DCP2: variants seen among roughly 807,000 people sequenced by gnomAD.
The protein encoded by DCP2 is decapping mRNA 2.
A neutral mutation model predicts 56.1 loss-of-function variants in DCP2; 30 were observed. The ratio of observed to expected loss-of-function variants is 0.53; its 90% confidence interval spans 0.40 to 0.73. The LOEUF (loss-of-function observed/expected upper bound fraction) is 0.73. Ranked by LOEUF, DCP2 falls within the 30% of genes least tolerant of loss-of-function variation. The pLI is 0.00. For missense variants in DCP2, 533 were observed against 502.7 expected, an observed-to-expected ratio of 1.06 and a Z score of -0.58; for synonymous variants, 197 against 163.3, an observed-to-expected ratio of 1.21 and a Z score of -1.57.
chr5:112,992,185 G>T lies in DCP2; in HGVS notation c.270G>T (p.Trp90Cys). 6.2e-7 allele frequency: 1 copy of T among 1,614,026 alleles called. No individual in the cohort carries two copies. The highest frequency in any genetic ancestry group is 8.5e-7 in the Non-Finnish European group (1 of 1,179,982). The change falls in exon 3 of 11, where the codon TGG (tryptophan) becomes TGT (cysteine). Residue 90 changes from tryptophan (W) to cysteine (C), a missense_variant. By Grantham distance (215) the Trp-to-Cys change is radical. Coordinates refer to ENST00000389063, the MANE Select transcript of DCP2 (RefSeq NM_152624.6). The part of the protein sequence containing the change: ...GEDVEKVLDE[W>C]KEYKMGVPTY... ...ATGTGGAAAAAGTTTTGGATGAATG[G>T]AAGGAATATAAAATGGGAGTACCAA...
rs1439910072 is a variant in DCP2 at position 113,021,532 on chromosome 5, C to T, written c.*8048C>T. Among the ~76,000 whole-genome samples, 1 of 152,002 alleles carries T rather than the reference C, an allele frequency of 6.6e-6. No homozygotes were observed. Among genetic ancestry groups the T allele is most frequent in the African/African-American group, 2.4e-5 (1 of 41,374 alleles). Reference sequence around the variant, plus strand: ...GTGAATTCATTAGATATTTAAAATCCAGCAATTCTTAAGTTTGTGCTAGAA... The same window carrying T: ...GTGAATTCATTAGATATTTAAAATCTAGCAATTCTTAAGTTTGTGCTAGAA... On this transcript the variant is annotated 3_prime_UTR_variant, in exon 11 of 11. Coordinates refer to ENST00000389063, the MANE Select transcript of DCP2 (RefSeq NM_152624.6).
At chr5:112,997,662 T>G (rs1748927980) in intron 4 of DCP2, among the ~76,000 whole-genome samples, 1 of 151,314 alleles carries the variant, frequency 6.6e-6, no homozygotes, top group African/African-American at 2.4e-5. Context: ...CAGGCTGGAG[T>G]GCAGTGGTGC....
chr5:112,976,922 T>C lies in DCP2; in HGVS notation c.-12T>C. ...GAGCCGGGATGCACTGTTCCTGCTG[T>C]GGGTCCTCATCATGGAGACCAAACG... On this transcript the variant is annotated 5_prime_UTR_variant, in exon 1 of 11. Coordinates refer to ENST00000389063, the MANE Select transcript of DCP2 (RefSeq NM_152624.6). 1.9e-6 allele frequency: 3 copies of C among 1,613,154 alleles called. No individual in the cohort carries two copies. The highest frequency in any genetic ancestry group is 2.5e-6 in the Non-Finnish European group (3 of 1,179,236).
At chr5:113,002,539 T>C (rs1749227680) in intron 7 of DCP2, among the ~76,000 whole-genome samples, 1 of 152,140 alleles carries the variant, frequency 6.6e-6, no homozygotes, top group Non-Finnish European at 1.5e-5. Flanking sequence ...TTTTTGTTTT[T>C]GAGGCAGGGT....
chr5:113,015,476 C>T lies in DCP2; in HGVS notation c.*1992C>T, dbSNP rs532375465. The T allele has an allele frequency of 6.6e-6, 1 of 152,430 alleles. No homozygotes were observed. The highest frequency in any genetic ancestry group is 2.1e-4 in the South Asian group (1 of 4,824). The allele number at this position is 152,430 out of a possible 1,614,324, so 9.4% of individuals were successfully genotyped here. A position where few individuals can be genotyped will look rare whatever the true frequency, so the allele number is the denominator to read the frequency against. On this transcript the variant is annotated 3_prime_UTR_variant, in exon 11 of 11. Coordinates refer to ENST00000389063, the MANE Select transcript of DCP2 (RefSeq NM_152624.6). Reference sequence around the variant, plus strand: ...GAGATTATAGTTACCAGAAGTATGGCCTCTAATGGTGTTGAGCCTTTTCAA... The same window carrying T: ...GAGATTATAGTTACCAGAAGTATGGTCTCTAATGGTGTTGAGCCTTTTCAA...
intron 1 of DCP2, among the ~76,000 whole-genome samples, chr5:112,980,764 T>G (rs1747968408): frequency 6.6e-6 from 1 of 152,224 alleles, no homozygotes; most frequent in African/African-American, 2.4e-5. Flanking sequence ...TTAGTTTCTT[T>G]CCCTACCCTT....
chr5:112,996,032 G>T (rs932601796), intron 4 of DCP2, among the ~76,000 whole-genome samples: 2 of 152,168 alleles, frequency 1.3e-5, no homozygotes, highest in Non-Finnish European at 2.9e-5. Flanking sequence ...TGCCCTTATG[G>T]ATCTCATTTG....
At chr5:112,988,288 C>G (rs1203318391) in intron 2 of DCP2, among the ~76,000 whole-genome samples, 1 of 150,288 alleles carries the variant, frequency 6.7e-6, no homozygotes, top group Admixed American at 6.7e-5. Flanking sequence ...CGAGACCATC[C>G]TGGCCAACAC....
At chr5:113,001,815 A>G in intron 7 of DCP2, 141 bp downstream of exon 7, 4 of 777,068 alleles carry the variant, frequency 5.1e-6, no homozygotes, top group Non-Finnish European at 8.2e-6. Flanking sequence ...AGATAATAGA[A>G]GATTTTTTTA....
intron 4 of DCP2, among the ~76,000 whole-genome samples, chr5:112,993,939 C>T (rs1267036155): frequency 6.8e-6 from 1 of 148,134 alleles, no homozygotes; most frequent in Non-Finnish European, 1.5e-5. Flanking sequence ...CCAGTGGCAA[C>T]ATCATAGTTT....
At chr5:112,992,900 ACTTTT>A (rs763537530) in intron 4 of DCP2, 130 bp downstream of exon 4, 1 of 435,794 alleles carries the variant, frequency 2.3e-6, no homozygotes, top group Non-Finnish European at 3.8e-6. Flanking sequence ...GAAGTAACTT[ACTTTT>A]TTTTTTTTTA....
In DCP2 at chr5:113,017,239, T is replaced by G. The variant is rs1410130782; in HGVS notation, c.*3755T>G. 1.3e-5 allele frequency: 2 copies of G among 152,254 alleles called. No homozygotes were observed. The highest frequency in any genetic ancestry group is 4.8e-5 in the African/African-American group (2 of 41,470). 9.4% of individuals were successfully genotyped at this position (152,254 alleles called of 1,614,324 possible). On this transcript the variant is annotated 3_prime_UTR_variant, in exon 11 of 11. Transcript: ENST00000389063. ...TTCCTAGTAATTTTGACTTGGATTA[T>G]TTTCTAGCCTGGGGGATGGGGTTCA...
At chr5:112,982,894 T>C (rs1284929361) in intron 1 of DCP2, among the ~76,000 whole-genome samples, 2 of 152,242 alleles carry the variant, frequency 1.3e-5, no homozygotes, top group African/African-American at 2.4e-5. Flanking sequence ...TTTATATTAA[T>C]GATGAGACAT....
chr5:112,992,555 CTG>C (rs1438538491), intron 3 of DCP2, 115 bp from the exon 4 acceptor site: 21 of 781,364 alleles, frequency 2.7e-5, no homozygotes, highest in Non-Finnish European at 3.5e-5. Context: ...AGAAAATACT[CTG>C]TAAAATTATT....
intron 1 of DCP2, among the ~76,000 whole-genome samples, chr5:112,984,923 CT>C (rs1284044123): frequency 2.0e-5 from 3 of 151,184 alleles, no homozygotes; most frequent in African/African-American, 7.3e-5. Flanking sequence ...GAAGAGTATT[CT>C]TATGCTTATT....
intron 2 of DCP2, among the ~76,000 whole-genome samples, chr5:112,991,428 C>T (rs776316026): frequency 6.6e-6 from 1 of 152,190 alleles, no homozygotes; most frequent in African/African-American, 2.4e-5. Flanking sequence ...ATATTTTACA[C>T]TGCCCAGTTT....
At position 113,008,060 on chromosome 5, in the gene DCP2, C is replaced by T. The variant is rs529541809; in HGVS notation, c.1047+18C>T. The T allele has an allele frequency of 6.3e-7, 1 of 1,596,686 alleles. No homozygotes were observed. The highest frequency in any genetic ancestry group is 2.2e-5 in the East Asian group (1 of 44,768). On this transcript the variant is annotated intron_variant, in intron 9 of 10. Coordinates refer to ENST00000389063, the MANE Select transcript of DCP2 (RefSeq NM_152624.6). Reference sequence around the variant, plus strand: ...CTTTGATGGTAAGAGTTATAGCTGTCACACTAAGTAGGCAGTTCATCCTCT... The same window carrying T: ...CTTTGATGGTAAGAGTTATAGCTGTTACACTAAGTAGGCAGTTCATCCTCT...
At chr5:113,009,178 T>C (rs1488148506) in intron 9 of DCP2, among the ~76,000 whole-genome samples, 3 of 152,214 alleles carry the variant, frequency 2.0e-5, no homozygotes, top group African/African-American at 7.2e-5. Context: ...TGTGCAAGTG[T>C]TAATTGTCCT....
intron 9 of DCP2, among the ~76,000 whole-genome samples, chr5:113,009,450 T>A (rs1330763165): frequency 6.6e-6 from 1 of 152,222 alleles, no homozygotes; most frequent in Non-Finnish European, 1.5e-5. Context: ...ATTTCTCCGA[T>A]CAGATTGGCA....
Sources: gnomAD v4.1 joint callset for allele counts (sites outside exome capture counted in the v4.1 genomes callset) on GRCh38, gnomAD v4.1.1 for gene constraint, MANE v1.5 for transcripts, NCBI Gene and HGNC (gene_info 2026-07-23, HGNC 2026-07-21) for gene names.